The following SCUBE1 variants were observed in gnomAD, a reference collection of about 807,000 sequenced individuals.
SCUBE1 encodes the protein signal peptide, CUB and EGF-like domain-containing protein 1.
In SCUBE1, 59 loss-of-function variants were observed where a neutral mutation model predicts 124.4. That is an observed-to-expected ratio of 0.47 (90% confidence interval 0.38 to 0.59). SCUBE1 has a LOEUF of 0.59. Among genes scored for constraint, SCUBE1 ranks in the 20% least tolerant of loss-of-function variants. SCUBE1 has a pLI of 0.00. For missense variants in SCUBE1, 1,150 were observed against 1,371.2 expected, an observed-to-expected ratio of 0.84 and a Z score of 2.55; for synonymous variants, 545 against 550.9, an observed-to-expected ratio of 0.99 and a Z score of 0.15.
intron 3 of SCUBE1, 107 bp downstream of exon 3, chr22:43,319,830 A>G: frequency 7.2e-7 from 1 of 1,395,742 alleles, no homozygotes; most frequent in Non-Finnish European, 9.8e-7. Flanking sequence ...AAACTAATAC[A>G]GGAAGCCAAA....
At chr22:43,327,564 A>G (rs1601894567) in intron 2 of SCUBE1, among the ~76,000 whole-genome samples, 1 of 152,108 alleles carries the variant, frequency 6.6e-6, no homozygotes. Flanking sequence ...AGGCGGGTGG[A>G]TCACCTGAGG....
intron 3 of SCUBE1, among the ~76,000 whole-genome samples, chr22:43,292,407 T>C (rs1339689336): frequency 1.3e-5 from 2 of 152,190 alleles, no homozygotes; most frequent in Admixed American, 1.3e-4. Flanking sequence ...ACCAGAGTCA[T>C]AACCCCCTGC....
In SCUBE1 at chr22:43,211,505, T is replaced by G. The variant is rs529710372; in HGVS notation, c.2222-422A>C. On this transcript the variant is annotated intron_variant, in intron 17 of 21. Coordinates refer to ENST00000360835, the MANE Select transcript of SCUBE1 (RefSeq NM_173050.5). This position sits in a 1 kb window ranked among gnomAD's most constrained non-coding sequence, Gnocchi z 4.5. ...TCTGAGGGGTGCCGGGGCGGGGGGC[T>G]AGAGATGGGCAATTCTTTTTTTTTT... Among the ~76,000 whole-genome samples, 12 of 148,824 alleles carry G rather than the reference T, an allele frequency of 8.1e-5. No individual in the cohort carries two copies. The highest frequency in any genetic ancestry group is 3.0e-4 in the African/African-American group (12 of 40,572).
chr22:43,212,733 T>G (rs1601798066), intron 16 of SCUBE1, 141 bp from the exon 17 acceptor site: 172 of 451,376 alleles, frequency 3.8e-4, no homozygotes, highest in East Asian at 8.1e-4. Flanking sequence ...GGGGACGGGG[T>G]GGGGAAAACG....
chr22:43,211,769 C>T lies in SCUBE1; in HGVS notation c.2221+656G>A, dbSNP rs1921571082. Among the ~76,000 whole-genome samples the T allele has an allele frequency of 6.6e-6, 1 of 152,128 alleles. No individual in the cohort carries two copies. The highest frequency in any genetic ancestry group is 1.5e-5 in the Non-Finnish European group (1 of 68,018). On this transcript the variant is annotated intron_variant, in intron 17 of 21. Coordinates refer to ENST00000360835, the MANE Select transcript of SCUBE1 (RefSeq NM_173050.5). The surrounding 1 kb of genome is among the most constrained non-coding windows in gnomAD (Gnocchi z 4.5). The stretch of plus-strand genomic sequence containing the variant: ...AAACTTCTGACCTCAGGTGATCCAC[C>T]CCCTTTGGCCTCCCAAAGTGCTGGG...
chr22:43,342,165 C>A (rs925844188), intron 1 of SCUBE1, among the ~76,000 whole-genome samples: 4 of 148,482 alleles, frequency 2.7e-5, no homozygotes, highest in African/African-American at 1.0e-4. Context: ...AAGCAGAGCA[C>A]CGGAGGAAGC....
In SCUBE1 at chr22:43,258,443, G is replaced by C; in HGVS notation, c.611-108C>G. On this transcript the variant is annotated intron_variant, in intron 5 of 21. Coordinates refer to ENST00000360835, the MANE Select transcript of SCUBE1 (RefSeq NM_173050.5). This position sits in a 1 kb window ranked among gnomAD's most constrained non-coding sequence, Gnocchi z 5.0. The stretch of plus-strand genomic sequence containing the variant: ...AGGGTATGGGGAAACTGAGGCCTAA[G>C]GGCATCAGTGGGTAGGGTCATGAGG... 1.3e-6 allele frequency: 1 copy of C among 788,190 alleles called. No individual in the cohort carries two copies. Among genetic ancestry groups the C allele is most frequent in the South Asian group, 1.4e-5 (1 of 69,626 alleles). 48.8% of individuals were successfully genotyped at this position (788,190 alleles called of 1,614,324 possible). A position where few individuals can be genotyped will look rare whatever the true frequency, so the allele number is the denominator to read the frequency against.
chr22:43,244,088 C>CG (rs1051637844), intron 6 of SCUBE1, among the ~76,000 whole-genome samples: 1 of 152,008 alleles, frequency 6.6e-6, no homozygotes, highest in African/African-American at 2.4e-5. Context: ...TATGGAGTGG[C>CG]GGGGGGCATG....
intron 2 of SCUBE1, among the ~76,000 whole-genome samples, chr22:43,338,625 A>G (rs1269117002): frequency 6.6e-6 from 1 of 152,004 alleles, no homozygotes; most frequent in East Asian, 1.9e-4. Context: ...TCCTGGGTTC[A>G]AGTGATTCTC....
intron 6 of SCUBE1, 60 bp from the exon 7 acceptor site, chr22:43,239,014 C>A: frequency 7.3e-7 from 1 of 1,373,090 alleles, no homozygotes; most frequent in South Asian, 1.2e-5. Flanking sequence ...TGGCTTTCCC[C>A]TTCCGTGGAA....
chr22:43,333,681 C>T lies in SCUBE1; in HGVS notation c.220+5423G>A, dbSNP rs189974404. Reference sequence around the variant, plus strand: ...GACAAATCTTACAGTCCCTATGGGACAGCCAGTTAAAAGCAGGCAGTATCA... The same window carrying T: ...GACAAATCTTACAGTCCCTATGGGATAGCCAGTTAAAAGCAGGCAGTATCA... On this transcript the variant is annotated intron_variant, in intron 2 of 21. Coordinates refer to ENST00000360835, the MANE Select transcript of SCUBE1 (RefSeq NM_173050.5). Among the ~76,000 whole-genome samples the T allele has an allele frequency of 2.3e-3, 352 of 152,312 alleles. 1 individual carries two copies. Among genetic ancestry groups the T allele is most frequent in the African/African-American group, 8.2e-3 (340 of 41,570 alleles).
At chr22:43,235,373 G>A (rs1922717671) in intron 7 of SCUBE1, among the ~76,000 whole-genome samples, 1 of 152,234 alleles carries the variant, frequency 6.6e-6, no homozygotes, top group South Asian at 2.1e-4. Flanking sequence ...GAGGGCTTCT[G>A]GGTGGGAGCA....
chr22:43,253,418 G>C (rs1379214451), intron 6 of SCUBE1, among the ~76,000 whole-genome samples: 1 of 152,134 alleles, frequency 6.6e-6, no homozygotes, highest in Non-Finnish European at 1.5e-5. Context: ...CCTTTGCTTC[G>C]TGTTGGAGGA....
In SCUBE1 at chr22:43,198,258, G is replaced by C. The variant is rs982359140; in HGVS notation, c.*5739C>G. The C allele has an allele frequency of 6.7e-5, 20 of 300,200 alleles. No individual in the cohort carries two copies. The highest frequency in any genetic ancestry group is 3.9e-4 in the African/African-American group (18 of 45,768). The allele number at this position is 300,200 out of a possible 1,614,324, so 18.6% of individuals were successfully genotyped here. A position where few individuals can be genotyped will look rare whatever the true frequency, so the allele number is the denominator to read the frequency against. On this transcript the variant is annotated 3_prime_UTR_variant, in exon 22 of 22. Coordinates refer to ENST00000360835, the MANE Select transcript of SCUBE1 (RefSeq NM_173050.5). ...TTCCTGTTGGGGCTTGGGGGGTGCA[G>C]ACAATTCCAGGGGGCTCACTCAGGG...
chr22:43,211,031 G>A lies in SCUBE1; in HGVS notation c.2274C>T (p.Arg758=), dbSNP rs148317010. 48 of 1,614,076 alleles carry A rather than the reference G, an allele frequency of 3.0e-5. No individual in the cohort carries two copies. In the African/African-American group the frequency reaches 3.1e-4, roughly 10 times the overall value. Reference sequence around the variant, plus strand: ...CGGGCTGGTAGGTGCCGACGGGGCAGCGGATGCAGCGGTGGGTGGTGGTGT... The same window carrying A: ...CGGGCTGGTAGGTGCCGACGGGGCAACGGATGCAGCGGTGGGTGGTGGTGT... The part of the protein sequence containing the change: ...HYNTTTHRCI[R]CPVGTYQPEF... The change falls in exon 18 of 22, where the codon CGC becomes CGT. Residue 758 remains arginine (R), a synonymous_variant. Transcript: ENST00000360835. This position sits in a 1 kb window ranked among gnomAD's most constrained non-coding sequence, Gnocchi z 4.5.
chr22:43,224,370 T>C (rs1016572608), intron 10 of SCUBE1, among the ~76,000 whole-genome samples: 2 of 152,208 alleles, frequency 1.3e-5, no homozygotes, highest in African/African-American at 4.8e-5. Flanking sequence ...GAGACACACA[T>C]TTACCTGTGT....
At chr22:43,222,523 G>C (rs924690784) in intron 12 of SCUBE1, 115 bp downstream of exon 12, 4 of 797,316 alleles carry the variant, frequency 5.0e-6, no homozygotes, top group Middle Eastern at 3.6e-4. Flanking sequence ...CACGGAGCAG[G>C]GCCGAGAGCA....
chr22:43,210,790 G>C lies in SCUBE1; in HGVS notation c.2383+132C>G. The C allele has an allele frequency of 9.0e-7, 1 of 1,112,332 alleles. No homozygotes were observed. Among genetic ancestry groups the C allele is most frequent in the East Asian group, 2.5e-5 (1 of 40,592 alleles). 68.9% of individuals were successfully genotyped at this position (1,112,332 alleles called of 1,614,324 possible). ...CCAGATGGATGCAATGCACCCGAGAGCAGACGGGACGGAGCGGGAGGAGTC... is the reference window on the plus strand; with the variant it reads ...CCAGATGGATGCAATGCACCCGAGACCAGACGGGACGGAGCGGGAGGAGTC... On this transcript the variant is annotated intron_variant, in intron 18 of 21. Coordinates refer to ENST00000360835, the MANE Select transcript of SCUBE1 (RefSeq NM_173050.5). This position sits in a 1 kb window ranked among gnomAD's most constrained non-coding sequence, Gnocchi z 4.5.
At chr22:43,261,824 T>G (rs1316882462) in intron 5 of SCUBE1, among the ~76,000 whole-genome samples, 1 of 152,218 alleles carries the variant, frequency 6.6e-6, no homozygotes, top group Admixed American at 6.5e-5. Context: ...TGGCTCTTTG[T>G]AAAAAGGGCA....
Sources: gnomAD v4.1 joint callset for allele counts (sites outside exome capture counted in the v4.1 genomes callset) on GRCh38, gnomAD v4.1.1 for gene constraint, Gnocchi (gnomAD v3.1) non-coding constraint, MANE v1.5 for transcripts, NCBI Gene and HGNC (gene_info 2026-07-23, HGNC 2026-07-21) for gene names.